MACF1: variants seen among roughly 807,000 people sequenced by gnomAD.
MACF1 encodes the protein microtubule actin crosslinking factor 1.
MACF1 carries 193 observed loss-of-function variants against 854.8 expected under a neutral mutation model. The ratio of observed to expected loss-of-function variants is 0.23; its 90% CI spans 0.20 to 0.25. The LOEUF is 0.25. MACF1 is among the 10% of genes least tolerant of loss of function. The probability of loss-of-function intolerance (pLI) is 1.00; values close to 1 mark genes in which losing one functional copy is unlikely to be tolerated. For missense variants in MACF1, 7,722 were observed against 8,929.1 expected (o/e 0.86, Z 5.45); for synonymous variants, 3,185 against 3,226.7 (o/e 0.99, Z 0.44).
intron 2 of MACF1, among the ~76,000 whole-genome samples, chr1:39,118,509 G>A (rs1642602779): frequency 6.6e-6 from 1 of 152,234 alleles, no homozygotes; most frequent in African/African-American, 2.4e-5. Flanking sequence ...TAGGAAGAAT[G>A]AGGAACTGCC....
intron 23 of MACF1, among the ~76,000 whole-genome samples, chr1:39,304,071 C>T (rs1259944269): frequency 6.7e-6 from 1 of 149,354 alleles, no homozygotes; most frequent in African/African-American, 2.5e-5. Context: ...GCACAATGTG[C>T]AGGTTTGTTA....
chr1:39,106,486 G>A (rs887930583), intron 2 of MACF1, among the ~76,000 whole-genome samples: 1 of 152,184 alleles, frequency 6.6e-6, no homozygotes, highest in Non-Finnish European at 1.5e-5. Context: ...ACTGCTGTAG[G>A]TGCCCCTGAA....
chr1:39,092,396 AG>A (rs1391038472), intron 2 of MACF1, among the ~76,000 whole-genome samples: 3 of 152,204 alleles, frequency 2.0e-5, no homozygotes, highest in Non-Finnish European at 2.9e-5. Flanking sequence ...GATGGGTGCC[AG>A]GCATTTTACA....
intron 2 of MACF1, among the ~76,000 whole-genome samples, chr1:39,099,991 C>A (rs1386214779): frequency 1.3e-5 from 2 of 152,018 alleles, no homozygotes; most frequent in East Asian, 1.9e-4. Flanking sequence ...TGAGGCAGGC[C>A]GACTACTTGA....
chr1:39,188,298 G>T (rs1172830321), intron 2 of MACF1, among the ~76,000 whole-genome samples: 2 of 151,998 alleles, frequency 1.3e-5, no homozygotes, highest in African/African-American at 2.4e-5. Context: ...ATGTGGTGGC[G>T]CATGGAGGCT....
intron 97 of MACF1, among the ~76,000 whole-genome samples, chr1:39,478,506 C>T (rs993919738): frequency 9.2e-5 from 14 of 152,188 alleles, no homozygotes; most frequent in African/African-American, 2.7e-4. Flanking sequence ...AGAGCTTGGA[C>T]TATAACTCAG....
intron 94 of MACF1, 149 bp from the exon 95 acceptor site, chr1:39,464,946 G>A: frequency 2.7e-6 from 2 of 740,940 alleles, no homozygotes; most frequent in Admixed American, 2.1e-5. Context: ...CATCCCTGTG[G>A]CAGGAGCTTG....
Position 39,387,280 on chromosome 1 carries a change from A to C in MACF1, c.14438A>C (p.Gln4813Pro), listed in dbSNP as rs1467811788. The C allele has an allele frequency of 1.9e-6, 3 of 1,614,138 alleles. No homozygotes were observed. Among genetic ancestry groups the C allele is most frequent in the Non-Finnish European group, 2.5e-6 (3 of 1,180,058 alleles). Residue 4813 changes from glutamine to proline, a missense_variant, in exon 58 of 101, where the codon CAA (glutamine) becomes CCA (proline). Physicochemically the swap from Gln to Pro is moderately conservative, Grantham distance 76. Transcript: ENST00000564288. ...TTGAGGACCTGGTTGGATGATAAAC[A>C]AAGCCAGCAAGCAAAAAACTGCCCA... ...DELRTWLDDK[Q>P]SQQAKNCPIS...
chr1:39,430,677 C>A (rs768606975), intron 65 of MACF1, 25 bp from the exon 66 acceptor site: 2 of 1,591,142 alleles, frequency 1.3e-6, no homozygotes, highest in African/African-American at 1.3e-5. Context: ...CAAGGTATGG[C>A]CTGAAAACTC....
intron 2 of MACF1, among the ~76,000 whole-genome samples, chr1:39,162,199 G>A (rs1168639241): frequency 1.3e-5 from 2 of 151,756 alleles, no homozygotes; most frequent in African/African-American, 2.4e-5. Context: ...ATGGGGTTTC[G>A]CCATGTTGGC....
intron 2 of MACF1, among the ~76,000 whole-genome samples, chr1:39,116,030 A>G (rs934378628): frequency 5.3e-5 from 8 of 152,178 alleles, no homozygotes; most frequent in African/African-American, 1.9e-4. Flanking sequence ...TTGAAGGAAG[A>G]GAGAGGAGGA....
chr1:39,173,016 A>G (rs1376920521), intron 2 of MACF1, among the ~76,000 whole-genome samples: 1 of 152,132 alleles, frequency 6.6e-6, no homozygotes, highest in Non-Finnish European at 1.5e-5. Context: ...ATTCAGGGCC[A>G]CACACTGCTT....
intron 6 of MACF1, chr1:39,269,045 C>G: frequency 7.8e-7 from 1 of 1,289,420 alleles, no homozygotes; most frequent in Admixed American, 2.3e-5. Context: ...AAGGGGAGGT[C>G]CAGACCGCCC....
intron 6 of MACF1, among the ~76,000 whole-genome samples, chr1:39,278,654 T>TA (rs1364898365): frequency 1.3e-5 from 2 of 152,224 alleles, no homozygotes; most frequent in Non-Finnish European, 2.9e-5. Flanking sequence ...TTTACTTTAA[T>TA]ATGTACGTGA....
At chr1:39,191,818 C>G (rs1387166789) in intron 2 of MACF1, among the ~76,000 whole-genome samples, 1 of 152,176 alleles carries the variant, frequency 6.6e-6, no homozygotes, top group East Asian at 1.9e-4. Flanking sequence ...AACTCTGAGT[C>G]CCTGCAGGGA....
In MACF1 at chr1:39,432,568, G is replaced by A. The variant is rs1467745633; in HGVS notation, c.17371G>A (p.Val5791Ile). 1.2e-6 allele frequency: 2 copies of A among 1,614,048 alleles called. No individual in the cohort carries two copies. Among genetic ancestry groups the A allele is most frequent in the Admixed American group, 1.7e-5 (1 of 59,996 alleles). ...EQAADAELAWVAETKRKLMAL... is the reference protein window; with the variant it reads ...EQAADAELAWIAETKRKLMAL... ...AGCTGCCGATGCAGAACTAGCTTGG[G>A]TTGCTGAAACAAAACGGAAACTGAT... is the stretch of plus-strand genomic sequence containing the variant. Residue 5791 changes from valine to isoleucine, a missense_variant, in exon 67 of 101, where the codon GTT becomes ATT. Val to Ile is a conservative substitution (Grantham distance 29). This residue lies in a region of MACF1 where 2,807 missense variants were observed against 3,235.8 expected (regional missense o/e 0.87). Coordinates refer to ENST00000564288, the MANE Select transcript of MACF1 (RefSeq NM_001394062.1).
intron 2 of MACF1, among the ~76,000 whole-genome samples, chr1:39,241,050 GTTT>G (rs34414583): frequency 3.1e-5 from 4 of 129,448 alleles, no homozygotes; most frequent in Non-Finnish European, 5.1e-5. Context: ...ACTATAATCT[GTTT>G]TTTTTTTTTT....
chr1:39,441,813 T>C (rs1287498925), intron 74 of MACF1, 139 bp from the exon 75 acceptor site: 1 of 662,750 alleles, frequency 1.5e-6, no homozygotes, highest in East Asian at 2.8e-5. Context: ...TTATTCTTTA[T>C]CTGTGCCCCT....
At chr1:39,240,498 T>C (rs1304950010) in intron 2 of MACF1, among the ~76,000 whole-genome samples, 1 of 152,204 alleles carries the variant, frequency 6.6e-6, no homozygotes, top group Non-Finnish European at 1.5e-5. Flanking sequence ...AGCTACATTT[T>C]GTGGATTTTA....
Sources: allele counts gnomAD v4.1 joint callset (sites outside exome capture counted in the v4.1 genomes callset), GRCh38; gene constraint gnomAD v4.1.1; regional missense constraint gnomAD v4.1.1; transcripts MANE v1.5; gene names NCBI Gene and HGNC (gene_info 2026-07-23, HGNC 2026-07-21).